Variants in UST observed in about 807,000 individuals in gnomAD.
The protein encoded by UST is chondroitin sulfate 2-O-sulfotransferase.
Under a neutral mutation model 45.6 loss-of-function variants are expected in UST, and 21 were observed. The ratio of observed to expected loss-of-function variants is 0.46; its 90% CI spans 0.33 to 0.66. UST has a LOEUF of 0.66. Among genes scored for constraint, UST ranks in the 30% least tolerant of loss-of-function variants. The probability of loss-of-function intolerance (pLI) is 0.02; values close to 1 mark genes in which losing one functional copy is unlikely to be tolerated. For synonymous variants in UST, 215 were observed against 200.6 expected (o/e 1.07, Z -0.61); for missense variants, 463 against 512.4 (o/e 0.90, Z 0.93).
At chr6:148,908,986 T>C (rs903298542) in intron 2 of UST, among the ~76,000 whole-genome samples, 1 of 152,218 alleles carries the variant, frequency 6.6e-6, no homozygotes, top group Non-Finnish European at 1.5e-5. Flanking sequence ...TTATTTACTG[T>C]TGATTTTGTG....
chr6:148,913,989 G>C (rs1012842239), intron 2 of UST, among the ~76,000 whole-genome samples: 1 of 152,170 alleles, frequency 6.6e-6, no homozygotes, highest in African/African-American at 2.4e-5. Context: ...AGTAGGAGGG[G>C]AGCCTTTGGG....
chr6:149,003,603 T>C (rs944833664), intron 5 of UST, among the ~76,000 whole-genome samples: 2 of 152,246 alleles, frequency 1.3e-5, no homozygotes, highest in African/African-American at 4.8e-5. Context: ...AATTAGTGAC[T>C]GATAATGTAT....
chr6:148,914,288 A>G (rs931232855), intron 2 of UST, among the ~76,000 whole-genome samples: 2 of 151,506 alleles, frequency 1.3e-5, no homozygotes, highest in African/African-American at 4.9e-5. Flanking sequence ...GAGTTCAGAA[A>G]TCTTACCCGA....
intron 5 of UST, among the ~76,000 whole-genome samples, chr6:148,972,346 G>A (rs1209957213): frequency 6.6e-6 from 1 of 152,184 alleles, no homozygotes; most frequent in Non-Finnish European, 1.5e-5. Flanking sequence ...AGGCTCTGGG[G>A]ACAGCAGGAG....
intron 7 of UST, among the ~76,000 whole-genome samples, chr6:149,066,512 G>A (rs1776731755): frequency 6.6e-6 from 1 of 152,086 alleles, no homozygotes; most frequent in African/African-American, 2.4e-5. Context: ...AATGAAGCAA[G>A]AATTGGATAT....
intron 5 of UST, among the ~76,000 whole-genome samples, chr6:148,980,964 A>G (rs1022576308): frequency 6.6e-6 from 1 of 151,970 alleles, no homozygotes; most frequent in Non-Finnish European, 1.5e-5. Flanking sequence ...AGCTCAAGTG[A>G]TCCTCCCACC....
chr6:148,878,568 TAGGGGGG>T (rs1778759795), intron 1 of UST, among the ~76,000 whole-genome samples: 1 of 29,298 alleles, frequency 3.4e-5, no homozygotes, highest in African/African-American at 1.4e-4. Context: ...CGTGTATGAG[TAGGGGGG>T]TCGTGTATGA....
intron 5 of UST, among the ~76,000 whole-genome samples, chr6:149,004,206 T>A (rs889426583): frequency 1.3e-5 from 2 of 152,212 alleles, no homozygotes; most frequent in Non-Finnish European, 2.9e-5. Flanking sequence ...TTGGATGAGG[T>A]AGCTCCCTCT....
intron 1 of UST, among the ~76,000 whole-genome samples, chr6:148,809,321 GTTTTTTT>G (rs71779192): frequency 1.4e-5 from 2 of 143,810 alleles, no homozygotes; most frequent in Non-Finnish European, 3.1e-5. Flanking sequence ...TTAGTTTTTT[GTTTTTTT>G]TTTTTTTCTC....
At chr6:148,972,302 G>C (rs577569692) in intron 5 of UST, among the ~76,000 whole-genome samples, 28 of 152,290 alleles carry the variant, frequency 1.8e-4, no homozygotes, top group African/African-American at 6.5e-4. Context: ...GGTGGGTGCT[G>C]TCTTTAGGGG....
rs1211371094 is a variant in UST at position 149,007,439 on chromosome 6, T to C, written c.682-11700T>C. Among the ~76,000 whole-genome samples, 9 of 150,090 alleles carry C rather than the reference T, an allele frequency of 6.0e-5. No homozygotes were observed. In the South Asian group the frequency reaches 1.9e-3, roughly 32 times the overall value. On this transcript the variant is annotated intron_variant, in intron 5 of 7. Coordinates refer to ENST00000367463, the MANE Select transcript of UST (RefSeq NM_005715.3). ...AGTAGCTGGGACTACAGGCGCCCGC[T>C]ACCACACCCAGCTAATTTTTTGTAT...
chr6:148,768,823 G>T (rs577232417), intron 1 of UST, among the ~76,000 whole-genome samples: 33 of 152,300 alleles, frequency 2.2e-4, no homozygotes, highest in African/African-American at 7.9e-4. Context: ...TGCTTCTGAG[G>T]CCATCTGGTC....
At chr6:149,073,693 C>G (rs1334825283) in intron 7 of UST, 140 bp from the exon 8 acceptor site, 3 of 958,240 alleles carry the variant, frequency 3.1e-6, no homozygotes, top group Non-Finnish European at 4.6e-6. Context: ...TGTCAGGAAC[C>G]CTTCTTCTCT....
At chr6:148,803,288 G>A (rs551167957) in intron 1 of UST, among the ~76,000 whole-genome samples, 3 of 152,172 alleles carry the variant, frequency 2.0e-5, no homozygotes, top group African/African-American at 4.8e-5. Context: ...CCTTAGGCAT[G>A]GTATCAAACT....
At chr6:148,951,764 C>T (rs1040241881) in intron 3 of UST, among the ~76,000 whole-genome samples, 1 of 152,232 alleles carries the variant, frequency 6.6e-6, no homozygotes, top group African/African-American at 2.4e-5. Flanking sequence ...TCTGCCTTCA[C>T]TGTGCTAATA....
intron 1 of UST, among the ~76,000 whole-genome samples, chr6:148,854,873 G>A (rs1302382492): frequency 3.3e-5 from 5 of 152,070 alleles, no homozygotes; most frequent in Non-Finnish European, 5.9e-5. Context: ...ATTCGCTAGG[G>A]GTCTGTGTTA....
At chr6:148,978,373 G>A (rs1027274580) in intron 5 of UST, among the ~76,000 whole-genome samples, 1 of 152,120 alleles carries the variant, frequency 6.6e-6, no homozygotes, top group Non-Finnish European at 1.5e-5. Flanking sequence ...ACATGCACAT[G>A]TGTGTTTATT....
At chr6:148,775,963 G>A (rs1444957619) in intron 1 of UST, among the ~76,000 whole-genome samples, 1 of 152,066 alleles carries the variant, frequency 6.6e-6, no homozygotes, top group Admixed American at 6.6e-5. Flanking sequence ...CCTTGTTCTA[G>A]GAGAACAGGA....
intron 2 of UST, among the ~76,000 whole-genome samples, chr6:148,896,994 G>A (rs1317978201): frequency 6.6e-6 from 1 of 152,256 alleles, no homozygotes; most frequent in East Asian, 1.9e-4. Flanking sequence ...CACTTAGCAT[G>A]ATGCCTGACA....
Sources: allele counts gnomAD v4.1 joint callset (sites outside exome capture counted in the v4.1 genomes callset), GRCh38; gene constraint gnomAD v4.1.1; transcripts MANE v1.5; gene names NCBI Gene and HGNC (gene_info 2026-07-23, HGNC 2026-07-21).